DOCK9: variants seen among roughly 807,000 people sequenced by gnomAD.
DOCK9 encodes the protein dedicator of cytokinesis 9, also known as dedicator of cytokinesis protein 9.
Under a neutral mutation model 263.3 loss-of-function variants are expected in DOCK9, and 89 were observed. The ratio of observed to expected loss-of-function variants is 0.34; its 90% CI spans 0.28 to 0.40. The LOEUF is 0.40. Ranked by LOEUF, DOCK9 falls within the 10% of genes least tolerant of loss-of-function variation. The probability of loss-of-function intolerance (pLI) is 1.00; values close to 1 mark genes in which losing one functional copy is unlikely to be tolerated. For synonymous variants in DOCK9, 976 were observed against 973.1 expected (o/e 1.00, Z -0.06); for missense variants, 2,140 against 2,603.4 (o/e 0.82, Z 3.87).
intron 34 of DOCK9, 50 bp from the exon 35 acceptor site, chr13:98,853,572 G>T: frequency 7.6e-7 from 1 of 1,319,432 alleles, no homozygotes; most frequent in Non-Finnish European, 1.1e-6. Flanking sequence ...GGAGGAAAAC[G>T]TGTTTCCCTT....
chr13:99,015,772 C>T, intron 1 of DOCK9: 1 of 1,311,384 alleles, frequency 7.6e-7, no homozygotes, highest in Non-Finnish European at 9.7e-7. Flanking sequence ...GAATCCGCTC[C>T]TGCTCAACAG....
intron 7 of DOCK9, 143 bp from the exon 8 acceptor site, chr13:98,915,646 G>GC (rs143301762): frequency 0.14 from 84,411 of 609,502 alleles, 4,835 homozygotes; most frequent in South Asian, 0.25. Context: ...CCTCATGAAA[G>GC]CCCCCCCCCA....
intron 2 of DOCK9, chr13:98,949,889 G>A: frequency 4.1e-6 from 2 of 482,590 alleles, no homozygotes; most frequent in Non-Finnish European, 8.1e-6. Context: ...TTTCATGTAT[G>A]AGGTCTCCCA....
intron 1 of DOCK9, among the ~76,000 whole-genome samples, chr13:98,962,303 A>T (rs2058719685): frequency 6.6e-6 from 1 of 152,196 alleles, no homozygotes; most frequent in South Asian, 2.1e-4. Context: ...GCTTTTTAAA[A>T]TTTCTTTCTT....
intron 1 of DOCK9, among the ~76,000 whole-genome samples, chr13:99,032,982 C>CT: frequency 6.6e-6 from 1 of 152,272 alleles, no homozygotes; most frequent in African/African-American, 2.4e-5. Flanking sequence ...TTCCAGTAGT[C>CT]TAAGTAAGAC....
At chr13:98,979,178 C>CAATAGT (rs1002505704), upstream of DOCK9, among the ~76,000 whole-genome samples, 1 of 117,208 alleles carries the variant, frequency 8.5e-6, no homozygotes, top group Non-Finnish European at 1.8e-5. Context: ...GTAGCAGCAG[C>CAATAGT]AATAGTAGTA....
chr13:98,912,219 G>A lies in DOCK9; in HGVS notation c.960+2109C>T, dbSNP rs550630788. ...ATCACATGTTTAGCTAAATAAGCCT[G>A]ACACAAAGAGTACATGTATAAGTCC... On this transcript the variant is annotated intron_variant, in intron 9 of 52. Coordinates refer to ENST00000682017, the MANE Select transcript of DOCK9 (RefSeq NM_001366683.2). Among the ~76,000 whole-genome samples, 3 of 152,240 alleles carry A rather than the reference G, an allele frequency of 2.0e-5. No homozygotes were observed. The South Asian group carries it at 6.2e-4, about 32-fold the overall frequency.
intron 2 of DOCK9, among the ~76,000 whole-genome samples, chr13:98,943,672 T>C (rs9513514): frequency 0.42 from 63,481 of 152,036 alleles, 13,608 homozygotes; most frequent in East Asian, 0.56. Context: ...CTATTAAGTG[T>C]CTACTATGGA....
chr13:98,827,225 G>C (rs1476781782), intron 43 of DOCK9, among the ~76,000 whole-genome samples: 1 of 152,162 alleles, frequency 6.6e-6, no homozygotes, highest in Non-Finnish European at 1.5e-5. Flanking sequence ...AGCGAAAAGA[G>C]GATGCTTTGA....
intron 2 of DOCK9, chr13:98,950,456 T>C (rs2057278020): frequency 8.4e-6 from 5 of 596,510 alleles, no homozygotes; most frequent in Non-Finnish European, 1.5e-5. Context: ...ATCTTTCTAG[T>C]ATCTAATATT....
At chr13:99,083,461 A>G (rs1226349206) in intron 1 of DOCK9, among the ~76,000 whole-genome samples, 1 of 152,216 alleles carries the variant, frequency 6.6e-6, no homozygotes, top group Non-Finnish European at 1.5e-5. Flanking sequence ...TAAGTAACAT[A>G]TACTAGTTAT....
At chr13:99,015,496 G>T (rs1287871509) in intron 1 of DOCK9, 4 of 1,597,854 alleles carry the variant, frequency 2.5e-6, no homozygotes, top group Non-Finnish European at 3.4e-6. Flanking sequence ...CCAATTGTAT[G>T]CTGTATATTC....
intron 2 of DOCK9, among the ~76,000 whole-genome samples, chr13:98,947,966 A>T (rs2056941769): frequency 6.6e-6 from 1 of 152,370 alleles, no homozygotes; most frequent in Admixed American, 6.5e-5. Context: ...TTCAATAAAA[A>T]GCCAAAAACA....
intron 9 of DOCK9, among the ~76,000 whole-genome samples, chr13:98,906,685 C>T (rs148731610): frequency 5.3e-5 from 8 of 152,216 alleles, no homozygotes; most frequent in South Asian, 2.1e-4. Context: ...TCATGGATAA[C>T]GAGAAAATAA....
chr13:98,912,520 A>G (rs1163337829), intron 9 of DOCK9, among the ~76,000 whole-genome samples: 1 of 152,190 alleles, frequency 6.6e-6, no homozygotes, highest in Admixed American at 6.5e-5. Context: ...CTTGTAACCC[A>G]TAGTTTAAAA....
chr13:98,994,070 AAT>A (rs938153215), intron 1 of DOCK9, among the ~76,000 whole-genome samples: 2 of 152,166 alleles, frequency 1.3e-5, no homozygotes, highest in African/African-American at 4.8e-5. Flanking sequence ...AAGAATAAGA[AAT>A]ATATTAAAAT....
intron 1 of DOCK9, among the ~76,000 whole-genome samples, chr13:99,002,364 G>A (rs969124571): frequency 6.6e-6 from 1 of 152,152 alleles, no homozygotes; most frequent in Non-Finnish European, 1.5e-5. Context: ...CTGCACAAAT[G>A]GCCAGAGCAT....
chr13:98,911,451 GTAAA>G (rs1302201250), intron 9 of DOCK9, among the ~76,000 whole-genome samples: 2 of 152,154 alleles, frequency 1.3e-5, no homozygotes, highest in African/African-American at 4.8e-5. Context: ...ACCAATGAAA[GTAAA>G]TAAATATACA....
intron 1 of DOCK9, among the ~76,000 whole-genome samples, chr13:99,078,462 G>A (rs940010215): frequency 3.3e-5 from 5 of 152,166 alleles, no homozygotes; most frequent in Non-Finnish European, 7.3e-5. Context: ...CGTATGGGGT[G>A]AGCCCTGAGA....
Sources: gnomAD v4.1 joint callset for allele counts (sites outside exome capture counted in the v4.1 genomes callset) on GRCh38, gnomAD v4.1.1 for gene constraint, MANE v1.5 for transcripts, NCBI Gene and HGNC (gene_info 2026-07-23, HGNC 2026-07-21) for gene names.